Variants in PLBD1 observed in about 807,000 individuals in gnomAD.
PLBD1 encodes lysosomal leucine aminopeptidase.
A neutral mutation model predicts 63.0 loss-of-function variants in PLBD1; 60 were observed. That is an observed-to-expected ratio of 0.95 (90% CI 0.77 to 1.18). The LOEUF (loss-of-function observed/expected upper bound fraction) is 1.18, where lower values mean the gene tolerates loss of function less well. Among genes scored for constraint, PLBD1 ranks in the 50% most tolerant of loss-of-function variants. The probability of loss-of-function intolerance (pLI) is 0.00; values close to 1 mark genes in which losing one functional copy is unlikely to be tolerated. For missense variants in PLBD1, 598 were observed against 677.9 expected (o/e 0.88, Z 1.31); for synonymous variants, 262 against 248.0 (o/e 1.06, Z -0.53).
intron 3 of PLBD1, 97 bp from the exon 4 acceptor site, chr12:14,540,999 T>C (rs1295291134): frequency 1.0e-5 from 13 of 1,253,274 alleles, no homozygotes; most frequent in East Asian, 2.4e-5. Flanking sequence ...CAGACACTTA[T>C]GCTAATGTGA....
chr12:14,516,197 C>T (rs913009684), intron 6 of PLBD1, among the ~76,000 whole-genome samples: 21 of 152,142 alleles, frequency 1.4e-4, no homozygotes, highest in South Asian at 8.3e-4. Context: ...GGCACGGTGG[C>T]GCGCGCCTGT....
chr12:14,549,487 T>C (rs567442569), intron 2 of PLBD1, among the ~76,000 whole-genome samples: 2 of 152,244 alleles, frequency 1.3e-5, no homozygotes, highest in Non-Finnish European at 1.5e-5. Context: ...AGTCACACAC[T>C]AGACAGAGAT....
rs573260275 is a variant in PLBD1 at position 14,513,977 on chromosome 12, C to T, written c.845-2266G>A. Among the ~76,000 whole-genome samples the T allele has an allele frequency of 6.0e-4, 91 of 152,116 alleles. 1 individual carries two copies. The highest frequency in any genetic ancestry group is 2.1e-3 in the African/African-American group (89 of 41,514). On this transcript the variant is annotated intron_variant, in intron 6 of 10. Coordinates refer to ENST00000240617, the MANE Select transcript of PLBD1 (RefSeq NM_024829.6). ...TGCATTTTTAGTAGAGACGGGGTTTCGCCATGTTAGCCAGGATGGTCTCGA... is the reference window on the plus strand; with the variant it reads ...TGCATTTTTAGTAGAGACGGGGTTTTGCCATGTTAGCCAGGATGGTCTCGA...
At chr12:14,516,666 C>A (rs1945339376) in intron 6 of PLBD1, among the ~76,000 whole-genome samples, 1 of 152,096 alleles carries the variant, frequency 6.6e-6, no homozygotes, top group African/African-American at 2.4e-5. Flanking sequence ...CTAAATGCAT[C>A]CCAGAAAGCC....
chr12:14,557,721 C>A (rs147858887), intron 1 of PLBD1, among the ~76,000 whole-genome samples: 1 of 152,106 alleles, frequency 6.6e-6, no homozygotes, highest in Non-Finnish European at 1.5e-5. Flanking sequence ...GGAAAAATAA[C>A]TAATGGGTAC....
chr12:14,506,912 C>A, intron 9 of PLBD1, 21 bp downstream of exon 9: 1 of 1,597,632 alleles, frequency 6.3e-7, no homozygotes, highest in Non-Finnish European at 8.6e-7. Flanking sequence ...AAGAATGATT[C>A]TTGAGAAATA....
chr12:14,552,888 C>T (rs1286595212), intron 2 of PLBD1, among the ~76,000 whole-genome samples: 1 of 152,118 alleles, frequency 6.6e-6, no homozygotes, highest in African/African-American at 2.4e-5. Context: ...CTGAGCTGGG[C>T]ACAGTGGCTC....
At chr12:14,567,447 G>GA in intron 1 of PLBD1, 135 bp downstream of exon 1, 1 of 1,252,348 alleles carries the variant, frequency 8.0e-7, no homozygotes, top group Non-Finnish European at 1.0e-6. Flanking sequence ...CCGCCGGCCG[G>GA]AGGCGCGTTT....
intron 1 of PLBD1, among the ~76,000 whole-genome samples, chr12:14,565,799 T>C (rs1945775882): frequency 6.6e-6 from 1 of 152,158 alleles, no homozygotes. Flanking sequence ...TAGTGTGGCA[T>C]CACCAGATGT....
chr12:14,554,313 C>T (rs1945683808), intron 1 of PLBD1: 4 of 152,156 alleles, frequency 2.6e-5, no homozygotes, highest in African/African-American at 9.7e-5. Context: ...CTTGTATCCT[C>T]TCGCTTCTGT....
intron 6 of PLBD1, among the ~76,000 whole-genome samples, chr12:14,519,476 G>A (rs529143796): frequency 1.6e-4 from 24 of 152,086 alleles, no homozygotes; most frequent in Non-Finnish European, 2.6e-4. Flanking sequence ...AAAATTAGCC[G>A]GGTGTGGTGG....
intron 2 of PLBD1, among the ~76,000 whole-genome samples, chr12:14,547,790 GA>G (rs937889780): frequency 2.2e-4 from 34 of 152,022 alleles, no homozygotes; most frequent in Non-Finnish European, 4.7e-4. Context: ...CTCCTGTTTG[GA>G]TTCCCTGAGT....
At chr12:14,528,121 CA>C (rs1318143471) in intron 6 of PLBD1, among the ~76,000 whole-genome samples, 1 of 151,910 alleles carries the variant, frequency 6.6e-6, no homozygotes, top group Admixed American at 6.6e-5. Flanking sequence ...GAGAAACAGA[CA>C]AATTAATAAT....
At chr12:14,510,612 T>G (rs1945290695) in intron 8 of PLBD1, among the ~76,000 whole-genome samples, 3 of 152,182 alleles carry the variant, frequency 2.0e-5, no homozygotes, top group South Asian at 4.1e-4. Flanking sequence ...CGATTCAGTT[T>G]TATAGATGAG....
In PLBD1 at chr12:14,506,258, CT is replaced by C. The variant is rs1259422133; in HGVS notation, c.1382del (p.Lys461ArgfsTer19). ...KYIMRYNNYK[K>X]DPYSRGDPCN... ...AGGGGTCACCTCTACTGTAAGGATC[CT>C]TCTTATAATCTAGGAAACAGAAATG... On this transcript the variant is annotated frameshift_variant, in exon 10 of 11. Coordinates refer to ENST00000240617, the MANE Select transcript of PLBD1 (RefSeq NM_024829.6). LOFTEE classifies it high-confidence loss of function. 6.2e-7 allele frequency: 1 copy of C among 1,606,100 alleles called. No individual in the cohort carries two copies. The highest frequency in any genetic ancestry group is 1.3e-5 in the African/African-American group (1 of 74,700).
chr12:14,504,546 C>T (rs1475343467), intron 10 of PLBD1, among the ~76,000 whole-genome samples: 2 of 152,210 alleles, frequency 1.3e-5, no homozygotes, highest in Admixed American at 6.5e-5. Context: ...CACTTAACCC[C>T]TCTATGAATC....
intron 6 of PLBD1, among the ~76,000 whole-genome samples, chr12:14,526,832 C>T (rs1413094168): frequency 6.6e-6 from 1 of 151,912 alleles, no homozygotes; most frequent in Non-Finnish European, 1.5e-5. Context: ...ATTGGCCGGG[C>T]GTGGTGGCGC....
intron 4 of PLBD1, among the ~76,000 whole-genome samples, chr12:14,540,110 T>TATA (rs1565577674): frequency 0.011 from 994 of 91,770 alleles, 71 homozygotes; most frequent in African/African-American, 0.041. Flanking sequence ...TAAATATTAT[T>TATA]TATATATATA....
intron 6 of PLBD1, among the ~76,000 whole-genome samples, chr12:14,529,290 A>T (rs1945441366): frequency 6.6e-6 from 1 of 152,164 alleles, no homozygotes; most frequent in African/African-American, 2.4e-5. Flanking sequence ...TTCCACATTT[A>T]GGATATGAGG....
Sources: gnomAD v4.1 joint callset for allele counts (sites outside exome capture counted in the v4.1 genomes callset) on GRCh38, gnomAD v4.1.1 for gene constraint, MANE v1.5 for transcripts, NCBI Gene and HGNC (gene_info 2026-07-23, HGNC 2026-07-21) for gene names.